PDCD1: variants seen among roughly 807,000 people sequenced by gnomAD.
PDCD1 encodes programmed cell death 1.
In PDCD1, 10 loss-of-function variants were observed where a neutral mutation model predicts 23.6. The observed-to-expected ratio is 0.42, with a 90% CI of 0.26 to 0.72. PDCD1 has a LOEUF of 0.72. Ranked by LOEUF, PDCD1 falls within the 30% of genes least tolerant of loss-of-function variation. PDCD1 has a pLI of 0.24. For synonymous variants in PDCD1, 168 were observed against 169.3 expected (o/e 0.99, Z 0.06); for missense variants, 313 against 397.8 (o/e 0.79, Z 1.81).
intron 4 of PDCD1, among the ~76,000 whole-genome samples, chr2:241,851,696 C>T (rs953189861): frequency 1.1e-4 from 17 of 149,486 alleles, no homozygotes; most frequent in Non-Finnish European, 1.6e-4. Flanking sequence ...CGGGCACACG[C>T]GTGGGCCAGG....
Position 241,851,134 on chromosome 2 carries a change from C to T in PDCD1, c.791G>A (p.Arg264His), listed in dbSNP as rs757334336. 1.2e-5 allele frequency: 20 copies of T among 1,613,294 alleles called. No homozygotes were observed. The highest frequency in any genetic ancestry group is 9.9e-5 in the South Asian group (9 of 91,076). Residue 264 changes from arginine (R) to histidine (H), a missense_variant, in exon 5 of 5, where the codon CGC becomes CAC. Coordinates refer to ENST00000334409, the MANE Select transcript of PDCD1 (RefSeq NM_005018.3). ...CCGAGGGCCGTCAGCTGAGCCCCTG[C>T]GGGCGGGGGATGAGGTGCCCATTCC... is the stretch of plus-strand genomic sequence containing the variant. ...PSGMGTSSPA[R>H]RGSADGPRSA...
rs1700879751 is a variant in PDCD1 at position 241,850,647 on chromosome 2, C to T, written c.*411G>A. 2.1e-6 allele frequency: 1 copy of T among 476,586 alleles called. No individual in the cohort carries two copies. Among genetic ancestry groups the T allele is most frequent in the South Asian group, 1.9e-5 (1 of 51,882 alleles). The allele number at this position is 476,586 out of a possible 1,614,324, so 29.5% of individuals were successfully genotyped here. A position where few individuals can be genotyped will look rare whatever the true frequency, so the allele number is the denominator to read the frequency against. ...CACCTTGGCTGCTCCAAGGCCATCT[C>T]CAACCAGCCCCCAAGTTCAGGCAGG... On this transcript the variant is annotated 3_prime_UTR_variant, in exon 5 of 5. Coordinates refer to ENST00000334409, the MANE Select transcript of PDCD1 (RefSeq NM_005018.3).
At chr2:241,855,965 G>T (rs1231329166) in intron 1 of PDCD1, among the ~76,000 whole-genome samples, 1 of 152,214 alleles carries the variant, frequency 6.6e-6, no homozygotes, top group Non-Finnish European at 1.5e-5. Context: ...TAGGAATAGG[G>T]TGACGGCAGC....
intron 4 of PDCD1, 140 bp downstream of exon 4, chr2:241,851,809 G>C (rs1667510949): frequency 1.1e-6 from 1 of 887,218 alleles, no homozygotes; most frequent in Admixed American, 1.9e-5. Flanking sequence ...TGAGGTTGCT[G>C]CCTGGGGGCT....
Position 241,858,224 on chromosome 2 carries a change from T to C in PDCD1, c.76+539A>G, listed in dbSNP as rs545854758. On this transcript the variant is annotated intron_variant, in intron 1 of 4. Coordinates refer to ENST00000334409, the MANE Select transcript of PDCD1 (RefSeq NM_005018.3). The stretch of plus-strand genomic sequence containing the variant: ...TACACTTTGGATATAATGAGAAAAA[T>C]ATCACCAGCTCATCTAAACTTTGAC... 2.0e-5 allele frequency among the ~76,000 whole-genome samples: 3 copies of C among 152,238 alleles called. No individual in the cohort carries two copies. The South Asian group carries it at 6.2e-4, about 32-fold the overall frequency.
rs1256572186 is a variant in PDCD1, at chr2:241,852,709, A to T, written c.348T>A (p.Asn116Lys). The change falls in exon 2 of 5, where the codon AAT becomes AAA. Residue 116 changes from asparagine to lysine, a missense_variant. This residue lies in a region of PDCD1 where 135 missense variants were observed against 166.9 expected (regional missense o/e 0.81). Transcript: ENST00000334409. ...CCCCACAGAGGTAGGTGCCGCTGTC[A>T]TTGCGCCGGGCCCTGACCACGCTCA... is the stretch of plus-strand genomic sequence containing the variant. ...FHMSVVRARR[N>K]DSGTYLCGAI... The T allele has an allele frequency of 6.2e-7, 1 of 1,613,686 alleles. No homozygotes were observed. Among genetic ancestry groups the T allele is most frequent in the South Asian group, 1.1e-5 (1 of 91,084 alleles).
chr2:241,857,453 A>AC (rs1701050322), intron 1 of PDCD1, among the ~76,000 whole-genome samples: 3 of 152,146 alleles, frequency 2.0e-5, no homozygotes, highest in African/African-American at 7.2e-5. Flanking sequence ...GAGCCGGGAC[A>AC]CGGGGGGAGA....
chr2:241,852,110 T>C, intron 3 of PDCD1, 88 bp downstream of exon 3: 1 of 1,101,744 alleles, frequency 9.1e-7, no homozygotes, highest in Admixed American at 3.8e-5. Context: ...TGGGGTGGGG[T>C]GAGGGAAGGG....
At position 241,850,066 on chromosome 2, in the gene PDCD1, G is replaced by C. The variant is rs988094200; in HGVS notation, c.*992C>G. 1.3e-5 allele frequency: 3 copies of C among 228,238 alleles called. No individual in the cohort carries two copies. The East Asian group carries it at 1.9e-4, about 14-fold the overall frequency. 14.1% of individuals were successfully genotyped at this position (228,238 alleles called of 1,614,324 possible). A position where few individuals can be genotyped will look rare whatever the true frequency, so the allele number is the denominator to read the frequency against. ...GGCCACGGCGGGGGTACTAGGCCCCGGGGGAACGCCTGTACCTTCCCACCC... is the reference window on the plus strand; with the variant it reads ...GGCCACGGCGGGGGTACTAGGCCCCCGGGGAACGCCTGTACCTTCCCACCC... On this transcript the variant is annotated 3_prime_UTR_variant, in exon 5 of 5. Coordinates refer to ENST00000334409, the MANE Select transcript of PDCD1 (RefSeq NM_005018.3).
chr2:241,855,151 C>T (rs554234219), intron 1 of PDCD1, among the ~76,000 whole-genome samples: 4 of 152,032 alleles, frequency 2.6e-5, no homozygotes, highest in Non-Finnish European at 5.9e-5. Context: ...GAATCCACCC[C>T]GGGGAGCAGG....
At position 241,852,781 on chromosome 2, in the gene PDCD1, G is replaced by A. The variant is rs1700932523; in HGVS notation, c.276C>T (p.Asp92=). 1.2e-6 allele frequency: 2 copies of A among 1,613,860 alleles called. No homozygotes were observed. The highest frequency in any genetic ancestry group is 1.7e-6 in the Non-Finnish European group (2 of 1,180,050). Residue 92 remains aspartate, a synonymous_variant, in exon 2 of 5, where the codon GAC becomes GAT. Coordinates refer to ENST00000334409, the MANE Select transcript of PDCD1 (RefSeq NM_005018.3). Reference sequence around the variant, plus strand: ...GCAGTTGTGTGACACGGAAGCGGCAGTCCTGGCCGGGCTGGCTGCGGTCCT... The same window carrying A: ...GCAGTTGTGTGACACGGAAGCGGCAATCCTGGCCGGGCTGGCTGCGGTCCT... ...FPEDRSQPGQ[D]CRFRVTQLPN...
At position 241,850,833 on chromosome 2, in the gene PDCD1, G is replaced by C. The variant is rs532613262; in HGVS notation, c.*225C>G. On this transcript the variant is annotated 3_prime_UTR_variant, in exon 5 of 5. Coordinates refer to ENST00000334409, the MANE Select transcript of PDCD1 (RefSeq NM_005018.3). Reference sequence around the variant, plus strand: ...GACTGCATCTGGCCCTCCCTGTAGGGGACGGTGACACCTGCTGCCTGGGCT... The same window carrying C: ...GACTGCATCTGGCCCTCCCTGTAGGCGACGGTGACACCTGCTGCCTGGGCT... 1.8e-5 allele frequency: 11 copies of C among 625,508 alleles called. No homozygotes were observed. In the East Asian group the frequency reaches 2.5e-4, roughly 14 times the overall value. The allele number at this position is 625,508 out of a possible 1,614,324, so 38.7% of individuals were successfully genotyped here. A position where few individuals can be genotyped will look rare whatever the true frequency, so the allele number is the denominator to read the frequency against.
chr2:241,851,494 G>A (rs1244188036), intron 4 of PDCD1, among the ~76,000 whole-genome samples, 197 bp from the exon 5 acceptor site: 2 of 152,228 alleles, frequency 1.3e-5, no homozygotes, highest in African/African-American at 4.8e-5. Context: ...GTCCCCCTCT[G>A]AAATGTCCCT....
At chr2:241,852,591 A>G in intron 2 of PDCD1, 30 bp downstream of exon 2, 1 of 1,599,700 alleles carries the variant, frequency 6.3e-7, no homozygotes, top group South Asian at 1.1e-5. Context: ...GGCTCAGCTC[A>G]CCCCTGCCCC....
rs1340457727 is a variant in PDCD1 at position 241,857,917 on chromosome 2, G to T, written c.76+846C>A. Reference sequence around the variant, plus strand: ...GTGAAACCACCCTCCCCAGGCCTTGGCATCCCCAGGTGCAGGCTGGCTGGG... The same window carrying T: ...GTGAAACCACCCTCCCCAGGCCTTGTCATCCCCAGGTGCAGGCTGGCTGGG... On this transcript the variant is annotated intron_variant, in intron 1 of 4. Coordinates refer to ENST00000334409, the MANE Select transcript of PDCD1 (RefSeq NM_005018.3). Among the ~76,000 whole-genome samples the T allele has an allele frequency of 5.3e-5, 8 of 152,062 alleles. 1 individual carries two copies. Among genetic ancestry groups the T allele is most frequent in the Non-Finnish European group, 1.2e-4 (8 of 68,014 alleles).
intron 1 of PDCD1, among the ~76,000 whole-genome samples, chr2:241,855,873 G>A (rs1292557355): frequency 6.6e-6 from 1 of 152,174 alleles, no homozygotes; most frequent in African/African-American, 2.4e-5. Context: ...GTGTGGAGGT[G>A]GGAAGGGCTG....
chr2:241,851,433 C>T, intron 4 of PDCD1, 136 bp from the exon 5 acceptor site: 2 of 780,308 alleles, frequency 2.6e-6, no homozygotes. Context: ...AGCTGTCCCA[C>T]CACTGCCCTC....
At chr2:241,855,019 G>C (rs1048348602) in intron 1 of PDCD1, among the ~76,000 whole-genome samples, 1 of 152,220 alleles carries the variant, frequency 6.6e-6, no homozygotes, top group Non-Finnish European at 1.5e-5. Context: ...CTCCTGACTT[G>C]ATCTGTGCTG....
chr2:241,852,717 G>T lies in PDCD1; in HGVS notation c.340C>A (p.Arg114=), dbSNP rs759277104. 1.9e-6 allele frequency: 3 copies of T among 1,613,816 alleles called. No homozygotes were observed. ...RDFHMSVVRA[R]RNDSGTYLCG... is the part of the protein sequence containing the mutation. ...AGGTAGGTGCCGCTGTCATTGCGCC[G>T]GGCCCTGACCACGCTCATGTGGAAG... The change falls in exon 2 of 5, where the codon CGG becomes AGG. Residue 114 remains arginine, a synonymous_variant. Coordinates refer to ENST00000334409, the MANE Select transcript of PDCD1 (RefSeq NM_005018.3).
Sources: gnomAD v4.1 joint callset for allele counts (sites outside exome capture counted in the v4.1 genomes callset) on GRCh38, gnomAD v4.1.1 for gene constraint, gnomAD v4.1.1 regional missense constraint, MANE v1.5 for transcripts, NCBI Gene and HGNC (gene_info 2026-07-23, HGNC 2026-07-21) for gene names.